The following EHBP1 variants were observed in gnomAD, a reference collection of about 807,000 sequenced individuals.
The protein encoded by EHBP1 is EH domain-binding protein 1.
A neutral mutation model predicts 144.0 loss-of-function variants in EHBP1; 55 were observed. That is an observed-to-expected ratio of 0.38 (90% confidence interval 0.31 to 0.48). EHBP1 has a LOEUF of 0.48. Ranked by LOEUF, EHBP1 falls within the 20% of genes least tolerant of loss-of-function variation. EHBP1 has a pLI of 0.98. For missense variants in EHBP1, 1,200 were observed against 1,364.2 expected, an observed-to-expected ratio of 0.88 and a Z score of 1.90; for synonymous variants, 469 against 472.7, an observed-to-expected ratio of 0.99 and a Z score of 0.10.
chr2:63,008,622 CT>C (rs1214666387), intron 19 of EHBP1, among the ~76,000 whole-genome samples: 146 of 134,028 alleles, frequency 1.1e-3, no homozygotes, highest in Admixed American at 2.4e-3. Flanking sequence ...GTTTTTTTTT[CT>C]TTTTTTTTTT....
intron 10 of EHBP1, among the ~76,000 whole-genome samples, chr2:62,916,212 T>C (rs2054605597): frequency 6.6e-6 from 1 of 151,936 alleles, no homozygotes. Context: ...GAAAATATAA[T>C]AATATTACTG....
chr2:62,996,621 TC>T, intron 18 of EHBP1, 21 bp from the exon 19 acceptor site: 2 of 1,612,632 alleles, frequency 1.2e-6, no homozygotes, highest in Admixed American at 1.7e-5. Flanking sequence ...TTTTTTTCCT[TC>T]CTGTTTGTTC....
At chr2:62,971,651 T>C (rs1253667778) in intron 14 of EHBP1, among the ~76,000 whole-genome samples, 2 of 152,174 alleles carry the variant, frequency 1.3e-5, no homozygotes, top group African/African-American at 4.8e-5. Context: ...GGGCGGTATA[T>C]TTAAGTGAGA....
intron 19 of EHBP1, among the ~76,000 whole-genome samples, chr2:63,015,237 T>C (rs1353384833): frequency 3.3e-5 from 5 of 152,304 alleles, no homozygotes; most frequent in African/African-American, 1.2e-4. Flanking sequence ...TCTTAAGATA[T>C]TATAATTTAT....
chr2:62,753,408 G>A (rs1273070559), intron 3 of EHBP1, among the ~76,000 whole-genome samples: 4 of 152,206 alleles, frequency 2.6e-5, no homozygotes, highest in South Asian at 2.1e-4. Context: ...TGGGTAACCC[G>A]ACCTTTCTCT....
intron 2 of EHBP1, among the ~76,000 whole-genome samples, chr2:62,730,256 C>T (rs2037380624): frequency 6.6e-6 from 1 of 152,036 alleles, no homozygotes; most frequent in Admixed American, 6.6e-5. Context: ...TAGTATCATA[C>T]AGAATATTTT....
At chr2:62,859,578 T>C (rs1448699010) in intron 8 of EHBP1, among the ~76,000 whole-genome samples, 1 of 152,172 alleles carries the variant, frequency 6.6e-6, no homozygotes, top group East Asian at 1.9e-4. Context: ...ATACTGATTT[T>C]GGGATGGTGG....
intron 5 of EHBP1, among the ~76,000 whole-genome samples, chr2:62,815,680 A>T (rs2045386860): frequency 1.3e-5 from 2 of 152,220 alleles, no homozygotes; most frequent in Non-Finnish European, 2.9e-5. Context: ...TGAGCCTGCC[A>T]CTTAAAGGTG....
At chr2:62,969,778 C>T (rs1013332008) in intron 14 of EHBP1, among the ~76,000 whole-genome samples, 2 of 152,020 alleles carry the variant, frequency 1.3e-5, no homozygotes, top group Non-Finnish European at 2.9e-5. Context: ...TTCTTTCTTT[C>T]TTTGTTAGAG....
At chr2:62,770,098 C>T (rs1371319362) in intron 4 of EHBP1, among the ~76,000 whole-genome samples, 1 of 152,114 alleles carries the variant, frequency 6.6e-6, no homozygotes, top group African/African-American at 2.4e-5. Context: ...CCTTCCTGAA[C>T]ATAGGAACTG....
chr2:62,812,431 G>A (rs143503712), intron 5 of EHBP1, among the ~76,000 whole-genome samples: 1 of 152,314 alleles, frequency 6.6e-6, no homozygotes, highest in Non-Finnish European at 1.5e-5. Context: ...AAAATGCCTA[G>A]ATTCCTATGA....
chr2:62,965,362 A>T (rs777798230), intron 14 of EHBP1, among the ~76,000 whole-genome samples: 19 of 152,186 alleles, frequency 1.2e-4, no homozygotes, highest in Non-Finnish European at 2.6e-4. Flanking sequence ...TTTTAGTGCT[A>T]TTTTAAACTA....
chr2:62,731,291 T>A (rs1228092889), intron 2 of EHBP1, among the ~76,000 whole-genome samples: 1 of 152,212 alleles, frequency 6.6e-6, no homozygotes, highest in African/African-American at 2.4e-5. Flanking sequence ...TATGATTGCT[T>A]ATGTATTTTA....
chr2:62,961,191 A>T (rs1314481037), intron 14 of EHBP1, among the ~76,000 whole-genome samples: 1 of 152,234 alleles, frequency 6.6e-6, no homozygotes, highest in African/African-American at 2.4e-5. Context: ...CCCTTAAAGG[A>T]CAACTCACAA....
intron 3 of EHBP1, among the ~76,000 whole-genome samples, chr2:62,756,488 G>A (rs1443743808): frequency 1.3e-5 from 2 of 152,110 alleles, no homozygotes; most frequent in East Asian, 3.9e-4. Context: ...GCTGTTTTAG[G>A]CTGCGCGTGT....
intron 13 of EHBP1, among the ~76,000 whole-genome samples, chr2:62,953,308 T>C (rs544233736): frequency 4.1e-4 from 62 of 151,690 alleles, no homozygotes; most frequent in African/African-American, 1.4e-3. Context: ...AAAAATTGTG[T>C]GCAACCTAAA....
At chr2:62,909,504 C>A (rs1377116252) in intron 10 of EHBP1, among the ~76,000 whole-genome samples, 2 of 152,112 alleles carry the variant, frequency 1.3e-5, no homozygotes, top group African/African-American at 4.8e-5. Flanking sequence ...TATGAGAAAA[C>A]TGTGTCAGAA....
At chr2:62,918,675 A>G (rs1455859713) in intron 10 of EHBP1, among the ~76,000 whole-genome samples, 1 of 152,172 alleles carries the variant, frequency 6.6e-6, no homozygotes, top group Non-Finnish European at 1.5e-5. Context: ...CTCATTTTAC[A>G]TTGATTCACT....
At chr2:62,821,550 G>C (rs1481175193) in intron 5 of EHBP1, among the ~76,000 whole-genome samples, 1 of 151,918 alleles carries the variant, frequency 6.6e-6, no homozygotes, top group African/African-American at 2.4e-5. Flanking sequence ...AACTAGATGT[G>C]GGTGGTGTAG....
Sources: allele counts gnomAD v4.1 joint callset (sites outside exome capture counted in the v4.1 genomes callset), GRCh38; gene constraint gnomAD v4.1.1; transcripts MANE v1.5; gene names NCBI Gene and HGNC (gene_info 2026-07-23, HGNC 2026-07-21).